CLASP2: variants seen among roughly 807,000 people sequenced by gnomAD.
CLASP2 encodes the protein cytoplasmic linker associated protein 2, also known as CLIP-associating protein 2.
CLASP2 carries 47 observed loss-of-function variants against 194.4 expected under a neutral mutation model. The observed-to-expected ratio is 0.24, with a 90% CI of 0.19 to 0.31. The LOEUF (loss-of-function observed/expected upper bound fraction) is 0.31. Among genes scored for constraint, CLASP2 ranks in the 10% least tolerant of loss-of-function variants. The pLI is 1.00. For synonymous variants in CLASP2, 619 were observed against 633.5 expected, an observed-to-expected ratio of 0.98 and a Z score of 0.34; for missense variants, 1,445 against 1,823.6, an observed-to-expected ratio of 0.79 and a Z score of 3.78.
intron 10 of CLASP2, among the ~76,000 whole-genome samples, chr3:33,623,775 C>G (rs1341988181): frequency 2.6e-5 from 4 of 152,088 alleles, no homozygotes; most frequent in African/African-American, 9.7e-5. Context: ...GATTTCTTTT[C>G]TTTTGGATAT....
chr3:33,569,534 A>G (rs2063368941), intron 26 of CLASP2, among the ~76,000 whole-genome samples: 3 of 152,222 alleles, frequency 2.0e-5, no homozygotes, highest in African/African-American at 7.2e-5. Context: ...CAGGATTTAT[A>G]GAAATTTTTA....
intron 37 of CLASP2, among the ~76,000 whole-genome samples, chr3:33,505,925 C>T (rs1261277093): frequency 6.6e-6 from 1 of 151,936 alleles, no homozygotes; most frequent in Non-Finnish European, 1.5e-5. Flanking sequence ...CAACTCACCA[C>T]CTAAAACAAA....
At chr3:33,506,772 A>G (rs1398784215) in intron 37 of CLASP2, among the ~76,000 whole-genome samples, 1 of 152,164 alleles carries the variant, frequency 6.6e-6, no homozygotes, top group Non-Finnish European at 1.5e-5. Flanking sequence ...AACTGTGATA[A>G]TCAATTGCCT....
At chr3:33,571,629 T>C (rs2063791035) in intron 25 of CLASP2, among the ~76,000 whole-genome samples, 2 of 149,350 alleles carry the variant, frequency 1.3e-5, no homozygotes, top group South Asian at 4.2e-4. Flanking sequence ...GGTTAGACTC[T>C]GTCTCAAAAA....
At chr3:33,680,507 G>A (rs983330872) in intron 6 of CLASP2, among the ~76,000 whole-genome samples, 1 of 152,182 alleles carries the variant, frequency 6.6e-6, no homozygotes, top group Non-Finnish European at 1.5e-5. Context: ...GAACCTAAAA[G>A]TGCTCTAAAA....
intron 34 of CLASP2, among the ~76,000 whole-genome samples, chr3:33,531,127 C>T (rs992019067): frequency 1.3e-5 from 2 of 152,098 alleles, no homozygotes; most frequent in Non-Finnish European, 2.9e-5. Context: ...GGCATAAAGA[C>T]AGACACATAG....
Position 33,711,386 on chromosome 3 carries a change from C to T in CLASP2, c.195+6422G>A, listed in dbSNP as rs943656817. ...TCAGCCTCCCGAATAGCTAGGATTA[C>T]AGGCATGCACCACCATACCTGGCTA... On this transcript the variant is annotated intron_variant, in intron 1 of 38. Coordinates refer to ENST00000682230, the MANE Select transcript of CLASP2 (RefSeq NM_001365631.1). 2.6e-5 allele frequency among the ~76,000 whole-genome samples: 4 copies of T among 151,482 alleles called. No individual in the cohort carries two copies. The East Asian group carries it at 7.8e-4, about 30-fold the overall frequency.
chr3:33,574,854 G>A (rs993696966), intron 24 of CLASP2, among the ~76,000 whole-genome samples: 2 of 152,128 alleles, frequency 1.3e-5, no homozygotes, highest in Non-Finnish European at 2.9e-5. Flanking sequence ...AAAATTGGTA[G>A]TTGTAAGTGG....
At chr3:33,515,675 A>C (rs2051124035) in intron 36 of CLASP2, among the ~76,000 whole-genome samples, 1 of 152,138 alleles carries the variant, frequency 6.6e-6, no homozygotes, top group South Asian at 2.1e-4. Context: ...CCCCAAAACA[A>C]TGATTTCTTA....
chr3:33,500,551 T>C (rs1237136729), intron 38 of CLASP2, among the ~76,000 whole-genome samples: 1 of 151,924 alleles, frequency 6.6e-6, no homozygotes, highest in Non-Finnish European at 1.5e-5. Flanking sequence ...ATTGTTTCCA[T>C]TGTGCATTTT....
intron 16 of CLASP2, among the ~76,000 whole-genome samples, chr3:33,606,126 T>C (rs887582718): frequency 7.9e-5 from 12 of 151,938 alleles, no homozygotes; most frequent in Non-Finnish European, 1.3e-4. Flanking sequence ...AGAATGGAGT[T>C]ACAGAGAACT....
At chr3:33,696,273 C>T (rs1326029272) in intron 2 of CLASP2, among the ~76,000 whole-genome samples, 1 of 145,514 alleles carries the variant, frequency 6.9e-6, no homozygotes, top group Non-Finnish European at 1.5e-5. Context: ...TAGTCTGAAA[C>T]ATGGCACTGT....
In CLASP2 at chr3:33,660,834, C is replaced by T. The variant is rs561355955; in HGVS notation, c.715+2611G>A. The stretch of plus-strand genomic sequence containing the variant: ...TCTGTCCTAAAATGTTTTCCTGTTT[C>T]TATCACTTTATTTACAGTTTTAGTT... On this transcript the variant is annotated intron_variant, in intron 7 of 38. Transcript: ENST00000682230. Among the ~76,000 whole-genome samples the T allele has an allele frequency of 8.5e-5, 13 of 152,268 alleles. No individual in the cohort carries two copies. The South Asian group carries it at 2.7e-3, about 32-fold the overall frequency.
intron 6 of CLASP2, 101 bp from the exon 7 acceptor site, chr3:33,663,616 G>A (rs758248913): frequency 4.7e-5 from 36 of 763,738 alleles, no homozygotes; most frequent in Non-Finnish European, 7.3e-5. Flanking sequence ...ACAATTGTAG[G>A]GATTCAGCTA....
At chr3:33,692,625 G>A (rs573939662) in intron 2 of CLASP2, among the ~76,000 whole-genome samples, 4 of 152,194 alleles carry the variant, frequency 2.6e-5, no homozygotes, top group South Asian at 2.1e-4. Context: ...TGTAAAATAC[G>A]GAAGGATGAC....
intron 23 of CLASP2, among the ~76,000 whole-genome samples, chr3:33,579,642 T>C (rs2065598329): frequency 1.3e-5 from 2 of 152,162 alleles, no homozygotes; most frequent in Non-Finnish European, 2.9e-5. Context: ...ATGATGACCA[T>C]GATAACTGAG....
chr3:33,644,715 G>A (rs1421006924), intron 8 of CLASP2, 42 bp downstream of exon 8: 4 of 1,605,594 alleles, frequency 2.5e-6, no homozygotes, highest in Non-Finnish European at 3.4e-6. Flanking sequence ...CATATCAAGG[G>A]CATGGAGCAT....
At chr3:33,666,338 A>T (rs1005230250) in intron 6 of CLASP2, among the ~76,000 whole-genome samples, 3 of 152,166 alleles carry the variant, frequency 2.0e-5, no homozygotes, top group African/African-American at 7.2e-5. Flanking sequence ...CCACATACCC[A>T]TTAGCAATCA....
intron 7 of CLASP2, among the ~76,000 whole-genome samples, chr3:33,651,935 A>T (rs1390229842): frequency 1.3e-5 from 2 of 152,156 alleles, no homozygotes; most frequent in Non-Finnish European, 2.9e-5. Context: ...CAGGGATTAC[A>T]GGCATGAGCC....
Sources: allele counts gnomAD v4.1 joint callset (sites outside exome capture counted in the v4.1 genomes callset), GRCh38; gene constraint gnomAD v4.1.1; transcripts MANE v1.5; gene names NCBI Gene and HGNC (gene_info 2026-07-23, HGNC 2026-07-21).